The following MYPN variants were observed in gnomAD, a reference collection of about 807,000 sequenced individuals.
The protein encoded by MYPN is sarcomeric protein myopalladin, 145 kDa (MYOP).
MYPN carries 63 observed loss-of-function variants against 129.4 expected under a neutral mutation model. That is an observed-to-expected ratio of 0.49 (90% confidence interval 0.40 to 0.60). MYPN has a LOEUF of 0.60. Among genes scored for constraint, MYPN ranks in the 20% least tolerant of loss-of-function variants. The pLI is 0.00. For missense variants in MYPN, 1,596 were observed against 1,635.4 expected, an observed-to-expected ratio of 0.98 and a Z score of 0.42; for synonymous variants, 629 against 600.9, an observed-to-expected ratio of 1.05 and a Z score of -0.68.
intron 1 of MYPN, among the ~76,000 whole-genome samples, chr10:68,117,760 G>A (rs1472771861): frequency 1.3e-5 from 2 of 151,636 alleles, no homozygotes; most frequent in Admixed American, 6.6e-5. Flanking sequence ...TGGAGGCCAT[G>A]ATACATGGCC....
rs2043669320 is a variant in MYPN at position 68,199,391 on chromosome 10, G to A, written c.3309G>A (p.Glu1103=). The change falls in exon 17 of 20, where the codon GAG becomes GAA. Residue 1103 remains glutamate (E), a synonymous_variant. Coordinates refer to ENST00000358913, the MANE Select transcript of MYPN (RefSeq NM_032578.4). ...DCKVSGLPPP[E]LTWLLNGQPV... ...AGGTGAGTGGTTTACCGCCCCCGGA[G>A]CTGACATGGCTACTCAATGGCCAAC... 1.2e-6 allele frequency: 2 copies of A among 1,614,086 alleles called. No homozygotes were observed. The highest frequency in any genetic ancestry group is 1.3e-5 in the African/African-American group (1 of 75,038).
chr10:68,198,993 G>GTT (rs138398192), intron 16 of MYPN, among the ~76,000 whole-genome samples: 16 of 147,000 alleles, frequency 1.1e-4, no homozygotes, highest in Non-Finnish European at 2.0e-4. Flanking sequence ...TCTTGTTTTC[G>GTT]TTTTTTTTTT....
intron 4 of MYPN, among the ~76,000 whole-genome samples, 182 bp downstream of exon 4, chr10:68,145,708 G>T (rs1414438930): frequency 6.6e-6 from 1 of 152,182 alleles, no homozygotes; most frequent in African/African-American, 2.4e-5. Flanking sequence ...CCCTACTTTT[G>T]CTTAAGTCTT....
At chr10:68,167,512 C>T (rs2043073058) in intron 10 of MYPN, among the ~76,000 whole-genome samples, 1 of 152,112 alleles carries the variant, frequency 6.6e-6, no homozygotes, top group Non-Finnish European at 1.5e-5. Flanking sequence ...TTTAAAATGT[C>T]CATCCATAAC....
At chr10:68,141,717 T>C (rs1054047729) in intron 2 of MYPN, among the ~76,000 whole-genome samples, 4 of 152,204 alleles carry the variant, frequency 2.6e-5, no homozygotes, top group Admixed American at 1.3e-4. Flanking sequence ...TCTTATTTCT[T>C]GCCCCCTTGT....
chr10:68,121,794 A>T lies in MYPN; in HGVS notation c.356A>T (p.Gln119Leu), dbSNP rs1338413507. 6.2e-7 allele frequency: 1 copy of T among 1,614,254 alleles called. No individual in the cohort carries two copies. The highest frequency in any genetic ancestry group is 1.3e-5 in the African/African-American group (1 of 75,068). Residue 119 changes from glutamine (Q) to leucine (L), a missense_variant, in exon 2 of 20, where the codon CAG becomes CTG. Transcript: ENST00000358913. Reference sequence around the variant, plus strand: ...TTAAGTTTTGAGCCTAACTTCTGCCAGGATAACCCTCGAAGTCCCACCAGC... The same window carrying T: ...TTAAGTTTTGAGCCTAACTTCTGCCTGGATAACCCTCGAAGTCCCACCAGC... ...PNLSFEPNFC[Q>L]DNPRSPTSSK...
chr10:68,173,270 A>G (rs1278581183), intron 10 of MYPN, among the ~76,000 whole-genome samples: 1 of 152,144 alleles, frequency 6.6e-6, no homozygotes, highest in African/African-American at 2.4e-5. Flanking sequence ...AGAATACAGC[A>G]TGTTCTCATG....
intron 2 of MYPN, among the ~76,000 whole-genome samples, chr10:68,135,094 G>A (rs2042466401): frequency 6.6e-6 from 1 of 152,016 alleles, no homozygotes; most frequent in African/African-American, 2.4e-5. Context: ...TGGGATTACA[G>A]GCACGCGCTA....
At position 68,182,215 on chromosome 10, in the gene MYPN, TATATATAACACATATATATATAAC is replaced by T. The variant is rs1317521159; in HGVS notation, c.2704-6682_2704-6659del. On this transcript the variant is annotated intron_variant, in intron 12 of 19. Transcript: ENST00000358913. ...ACTACCTGGTTACTAATGTTATATA[TATATATAACACATATATATATAAC>T]ATATATATAACACACATATATATAT... Among the ~76,000 whole-genome samples the T allele has an allele frequency of 1.7e-4, 24 of 143,842 alleles. No homozygotes were observed. The East Asian group carries it at 2.2e-3, about 13-fold the overall frequency. The allele number at this position is 143,842 out of a possible 152,430, so 94.4% of individuals were successfully genotyped here.
At chr10:68,206,498 T>TC (rs1417886906) in intron 18 of MYPN, among the ~76,000 whole-genome samples, 4 of 152,170 alleles carry the variant, frequency 2.6e-5, no homozygotes, top group African/African-American at 9.7e-5. Context: ...CTTTCTGAAC[T>TC]TTGGTTGTGA....
At chr10:68,141,262 G>C (rs369277945) in intron 2 of MYPN, among the ~76,000 whole-genome samples, 8 of 152,064 alleles carry the variant, frequency 5.3e-5, no homozygotes, top group Non-Finnish European at 1.2e-4. Flanking sequence ...CCTGCTACTC[G>C]GGAGGCTGAG....
intron 2 of MYPN, among the ~76,000 whole-genome samples, chr10:68,131,876 T>C (rs1156578792): frequency 6.6e-6 from 1 of 152,224 alleles, no homozygotes; most frequent in Non-Finnish European, 1.5e-5. Context: ...TCAACTTCTA[T>C]AACCTTGTTA....
intron 13 of MYPN, among the ~76,000 whole-genome samples, chr10:68,190,482 C>T (rs143757008): frequency 0.033 from 5,058 of 152,274 alleles, 284 homozygotes; most frequent in African/African-American, 0.11. Flanking sequence ...TGAGCCACCA[C>T]GCCCAGCCTA....
chr10:68,195,761 T>C (rs1240013323), intron 15 of MYPN, among the ~76,000 whole-genome samples: 1 of 151,514 alleles, frequency 6.6e-6, no homozygotes, highest in Non-Finnish European at 1.5e-5. Context: ...ACAAGCATAG[T>C]AAAGTTTAAC....
chr10:68,209,147 AC>A (rs1284559639), intron 19 of MYPN, among the ~76,000 whole-genome samples: 2 of 152,134 alleles, frequency 1.3e-5, no homozygotes, highest in African/African-American at 2.4e-5. Context: ...AGAGTTCCCC[AC>A]CTAGGGAACG....
chr10:68,146,560 C>A (rs2134081442), intron 4 of MYPN, among the ~76,000 whole-genome samples: 1 of 152,276 alleles, frequency 6.6e-6, no homozygotes, highest in South Asian at 2.1e-4. Flanking sequence ...ATCATAGAGA[C>A]TCAAATTAAC....
chr10:68,200,265 G>T (rs2043687618), intron 17 of MYPN, among the ~76,000 whole-genome samples: 1 of 152,156 alleles, frequency 6.6e-6, no homozygotes. Context: ...CCTGGAACAT[G>T]GAAGGTGCCC....
chr10:68,149,103 C>T (rs117515719), intron 5 of MYPN, among the ~76,000 whole-genome samples: 26 of 152,230 alleles, frequency 1.7e-4, no homozygotes, highest in Non-Finnish European at 3.7e-4. Context: ...TGCCATGCAC[C>T]TATGGTCCCA....
At chr10:68,173,998 A>T in intron 10 of MYPN, 68 bp from the exon 11 acceptor site, 1 of 1,267,042 alleles carries the variant, frequency 7.9e-7, no homozygotes. Context: ...CTGTCTGAAC[A>T]TTGTTTGAAA....
Sources: allele counts gnomAD v4.1 joint callset (sites outside exome capture counted in the v4.1 genomes callset), GRCh38; gene constraint gnomAD v4.1.1; transcripts MANE v1.5; gene names NCBI Gene and HGNC (gene_info 2026-07-23, HGNC 2026-07-21).